Variants in NRL observed in about 807,000 individuals in gnomAD.
NRL encodes the protein neural retina leucine zipper.
Under a neutral mutation model 12.5 loss-of-function variants are expected in NRL, and 16 were observed. The observed-to-expected ratio is 1.28, with a 90% confidence interval of 0.87 to 1.95. The LOEUF (loss-of-function observed/expected upper bound fraction) is 1.95. NRL is among the 30% of genes most tolerant of loss of function. The pLI, the probability that NRL is intolerant of heterozygous loss-of-function variation, is 0.00. For missense variants in NRL, 314 were observed against 325.8 expected, an observed-to-expected ratio of 0.96 and a Z score of 0.28; for synonymous variants, 142 against 150.9, an observed-to-expected ratio of 0.94 and a Z score of 0.43.
intron 1 of NRL, among the ~76,000 whole-genome samples, chr14:24,090,797 G>C (rs1289405755): frequency 6.6e-6 from 1 of 152,252 alleles, no homozygotes; most frequent in Non-Finnish European, 1.5e-5. Flanking sequence ...AAGGGGAAAT[G>C]AGCAGTGCAA....
intron 1 of NRL, among the ~76,000 whole-genome samples, chr14:24,101,877 T>C (rs2037176065): frequency 6.6e-6 from 1 of 151,940 alleles, no homozygotes. Flanking sequence ...ATCATGCCAC[T>C]GCACTCCAGC....
chr14:24,082,789 C>T lies in NRL; in HGVS notation c.60G>A (p.Lys20=), dbSNP rs1261530079. ...MEYVNDFDLM[K]FEVKREPSEG... ...CAGAGGGTTCCCGCTTTACCTCAAA[C>T]TTCATCAAGTCAAAGTCATTGACAT... The change falls in exon 2 of 3, where the codon AAG becomes AAA. Residue 20 remains lysine, a synonymous_variant. Coordinates refer to ENST00000561028, the MANE Select transcript of NRL (RefSeq NM_001354768.3). 1.2e-6 allele frequency: 2 copies of T among 1,614,182 alleles called. No homozygotes were observed. Among genetic ancestry groups the T allele is most frequent in the Non-Finnish European group, 1.7e-6 (2 of 1,180,030 alleles).
At chr14:24,103,206 T>G in intron 1 of NRL, 1 of 1,614,186 alleles carries the variant, frequency 6.2e-7, no homozygotes, top group Non-Finnish European at 8.5e-7. Context: ...ATGGGGTGTT[T>G]GTGGGCAGCG....
At chr14:24,082,050 C>A in intron 2 of NRL, 2 of 1,202,986 alleles carry the variant, frequency 1.7e-6, no homozygotes, top group Non-Finnish European at 2.1e-6. Flanking sequence ...AGTCCCAATC[C>A]TTCCTGAGAA....
intron 1 of NRL, among the ~76,000 whole-genome samples, chr14:24,096,471 A>C (rs955091100): frequency 1.3e-5 from 2 of 151,908 alleles, no homozygotes; most frequent in Non-Finnish European, 2.9e-5. Flanking sequence ...TCCTGACCTC[A>C]TGATCCACCT....
intron 1 of NRL, chr14:24,099,409 C>A: frequency 1.0e-6 from 1 of 986,010 alleles, no homozygotes; most frequent in Non-Finnish European, 1.5e-6. Flanking sequence ...GTTTCCCCTG[C>A]CACTAACCCA....
rs1415557106 is a variant in NRL at position 24,081,573 on chromosome 14, G to A, written c.382-5C>T. On this transcript the variant is annotated splice_polypyrimidine_tract_variant and splice_region_variant and intron_variant, in intron 2 of 2. Coordinates refer to ENST00000561028, the MANE Select transcript of NRL (RefSeq NM_001354768.3). This position sits in a 1 kb window ranked among gnomAD's most constrained non-coding sequence, Gnocchi z 4.4. ...GTCGGAAAACCGCTCTGCCAGCTGCGGAGGGAGAATGCAGAAACCGGGTCA... is the reference window on the plus strand; with the variant it reads ...GTCGGAAAACCGCTCTGCCAGCTGCAGAGGGAGAATGCAGAAACCGGGTCA... The A allele has an allele frequency of 4.4e-6, 7 of 1,590,722 alleles. No homozygotes were observed. Among genetic ancestry groups the A allele is most frequent in the African/African-American group, 1.3e-5 (1 of 74,708 alleles).
chr14:24,091,839 A>G (rs1379167924), intron 1 of NRL, among the ~76,000 whole-genome samples: 1 of 152,132 alleles, frequency 6.6e-6, no homozygotes, highest in East Asian at 1.9e-4. Context: ...ACAGGAATGG[A>G]AGTTTATTAA....
rs1594240846 is a variant in NRL at position 24,078,997 on chromosome 14, G to C, written c.*2239C>G. ...TATTTTATTTTTTTGTAGTGACAGGGTTCTCGCTATGTTGCCCAGGCTGGT... is the reference window on the plus strand; with the variant it reads ...TATTTTATTTTTTTGTAGTGACAGGCTTCTCGCTATGTTGCCCAGGCTGGT... On this transcript the variant is annotated 3_prime_UTR_variant, in exon 3 of 3. Coordinates refer to ENST00000561028, the MANE Select transcript of NRL (RefSeq NM_001354768.3). 6.6e-6 allele frequency among the ~76,000 whole-genome samples: 1 copy of C among 152,162 alleles called. No homozygotes were observed. Among genetic ancestry groups the C allele is most frequent in the East Asian group, 1.9e-4 (1 of 5,198 alleles).
chr14:24,114,195 GA>G (rs953047060), intron 1 of NRL: 2 of 152,328 alleles, frequency 1.3e-5, no homozygotes, highest in African/African-American at 4.8e-5. Flanking sequence ...AGCTTTGACA[GA>G]AAGACGCGTG....
chr14:24,097,117 G>T, intron 1 of NRL: 1 of 1,613,982 alleles, frequency 6.2e-7, no homozygotes, highest in Non-Finnish European at 8.5e-7. Context: ...TCATCCGAAA[G>T]CTCCCCAAGT....
At position 24,094,597 on chromosome 14, in the gene NRL, C is replaced by G. The variant is rs1174694315; in HGVS notation, c.-27-11722G>C. 1 of 1,457,866 alleles carries G rather than the reference C, an allele frequency of 6.9e-7. No homozygotes were observed. The highest frequency in any genetic ancestry group is 1.4e-5 in the African/African-American group (1 of 70,518). 90.3% of individuals were successfully genotyped at this position (1,457,866 alleles called of 1,614,324 possible). On this transcript the variant is annotated intron_variant, in intron 1 of 2. Transcript: ENST00000561028. The surrounding 1 kb of genome is among the most constrained non-coding windows in gnomAD (Gnocchi z 4.1). ...GGGTCCAGCCTCCCGCGCCGCGCGT[C>G]TCTTGGGAGGGCAGCCGGCCGGTGC...
chr14:24,094,369 C>T lies in NRL; in HGVS notation c.-27-11494G>A, dbSNP rs757239220. The T allele has an allele frequency of 4.2e-5, 65 of 1,533,604 alleles. No homozygotes were observed. Among genetic ancestry groups the T allele is most frequent in the Non-Finnish European group, 4.8e-5 (55 of 1,140,366 alleles). The allele number at this position is 1,533,604 out of a possible 1,614,324, so 95.0% of individuals were successfully genotyped here. On this transcript the variant is annotated intron_variant, in intron 1 of 2. Coordinates refer to ENST00000561028, the MANE Select transcript of NRL (RefSeq NM_001354768.3). The surrounding 1 kb of genome is among the most constrained non-coding windows in gnomAD (Gnocchi z 4.1). ...CCTTCCATACCTCCCCGGCTCCGCT[C>T]GGTTCCTGGCCACCCCGCAGCCCCT...
intron 1 of NRL, chr14:24,098,794 C>T: frequency 5.6e-6 from 5 of 893,724 alleles, no homozygotes; most frequent in African/African-American, 3.3e-5. Flanking sequence ...AACCTAATTC[C>T]CAAGATCCAG....
Position 24,081,413 on chromosome 14 carries a change from C to T in NRL, c.537G>A (p.Lys179=). ...CCAGCCCGCGCCGCTGCTGCAGCCG[C>T]TTGGAGCGACAGGCCTGCGCGTAGC... ...NRGYAQACRS[K]RLQQRRGLEA... The change falls in exon 3 of 3, where the codon AAG becomes AAA. Residue 179 remains lysine, a synonymous_variant. Transcript: ENST00000561028. This position sits in a 1 kb window ranked among gnomAD's most constrained non-coding sequence, Gnocchi z 4.4. 1 of 1,521,408 alleles carries T rather than the reference C, an allele frequency of 6.6e-7. No homozygotes were observed. Among genetic ancestry groups the T allele is most frequent in the Non-Finnish European group, 8.8e-7 (1 of 1,136,958 alleles). The allele number at this position is 1,521,408 out of a possible 1,614,324, so 94.2% of individuals were successfully genotyped here.
rs746139456 is a variant in NRL at position 24,079,704 on chromosome 14, G to C, written c.*1532C>G. Among the ~76,000 whole-genome samples, 1 of 152,182 alleles carries C rather than the reference G, an allele frequency of 6.6e-6. No individual in the cohort carries two copies. Among genetic ancestry groups the C allele is most frequent in the African/African-American group, 2.4e-5 (1 of 41,432 alleles). ...TATGGGAGCCTCTTCCCCCATGCCC[G>C]AAAGCTTCTCCCATTTATTATGTCC... On this transcript the variant is annotated 3_prime_UTR_variant, in exon 3 of 3. Transcript: ENST00000561028.
intron 1 of NRL, among the ~76,000 whole-genome samples, chr14:24,111,529 A>G (rs906253981): frequency 1.4e-5 from 2 of 144,852 alleles, no homozygotes; most frequent in Admixed American, 6.8e-5. Context: ...GCATGCCACC[A>G]CACTCGGCTT....
At position 24,081,835 on chromosome 14, in the gene NRL, C is replaced by G; in HGVS notation, c.382-267G>C. 1 of 1,419,694 alleles carries G rather than the reference C, an allele frequency of 7.0e-7. No individual in the cohort carries two copies. The highest frequency in any genetic ancestry group is 9.2e-7 in the Non-Finnish European group (1 of 1,088,876). 87.9% of individuals were successfully genotyped at this position (1,419,694 alleles called of 1,614,324 possible). On this transcript the variant is annotated intron_variant, in intron 2 of 2. Coordinates refer to ENST00000561028, the MANE Select transcript of NRL (RefSeq NM_001354768.3). This position sits in a 1 kb window ranked among gnomAD's most constrained non-coding sequence, Gnocchi z 4.4. ...CACGGTCAGGCGAGCCCGTCGCGCA[C>G]CTAAACCCCGGGCTCGTCTCTGGGA...
chr14:24,103,699 G>A lies in NRL; in HGVS notation c.-28+11023C>T, dbSNP rs149521304. The A allele has an allele frequency of 4.3e-5, 70 of 1,614,068 alleles. No homozygotes were observed. The highest frequency in any genetic ancestry group is 1.8e-4 in the East Asian group (8 of 44,884). Reference sequence around the variant, plus strand: ...TGGCCAGGCTTTGGGGAGAATGCTCGGGTGCTAGACTGGATCTGCCGGCGG... The same window carrying A: ...TGGCCAGGCTTTGGGGAGAATGCTCAGGTGCTAGACTGGATCTGCCGGCGG... On this transcript the variant is annotated intron_variant, in intron 1 of 2. Coordinates refer to ENST00000561028, the MANE Select transcript of NRL (RefSeq NM_001354768.3).
Sources: allele counts gnomAD v4.1 joint callset (sites outside exome capture counted in the v4.1 genomes callset), GRCh38; gene constraint gnomAD v4.1.1; non-coding constraint Gnocchi (gnomAD v3.1); transcripts MANE v1.5; gene names NCBI Gene and HGNC (gene_info 2026-07-23, HGNC 2026-07-21).